CCDC171: variants seen among roughly 807,000 people sequenced by gnomAD.
CCDC171 encodes the protein coiled-coil domain-containing protein 171.
Under a neutral mutation model 168.2 loss-of-function variants are expected in CCDC171, and 177 were observed. The ratio of observed to expected loss-of-function variants is 1.05; its 90% confidence interval spans 0.93 to 1.19. The LOEUF (loss-of-function observed/expected upper bound fraction) is 1.19. Among genes scored for constraint, CCDC171 ranks in the 50% most tolerant of loss-of-function variants. The pLI, the probability that CCDC171 is intolerant of heterozygous loss-of-function variation, is 0.00. For synonymous variants in CCDC171, 687 were observed against 540.8 expected (o/e 1.27, Z -3.75); for missense variants, 1,991 against 1,539.0 (o/e 1.29, Z -4.91).
chr9:16,048,568 G>A (rs1328487637), intron 1 of CCDC171, among the ~76,000 whole-genome samples: 1 of 152,126 alleles, frequency 6.6e-6, no homozygotes, highest in Non-Finnish European at 1.5e-5. Flanking sequence ...ACAGATTTGG[G>A]GGCAAAATTT....
intron 3 of CCDC171, among the ~76,000 whole-genome samples, chr9:15,572,190 T>C (rs543871009): frequency 6.6e-6 from 1 of 152,304 alleles, no homozygotes; most frequent in South Asian, 2.1e-4. Context: ...TTATTTCTTT[T>C]ATTAGTATGT....
upstream of CCDC171, among the ~76,000 whole-genome samples, chr9:16,038,828 CAAAAACAGAAAA>C (rs1211166305): frequency 7.6e-5 from 1 of 13,134 alleles, no homozygotes; most frequent in Non-Finnish European, 1.8e-4. Context: ...AAGAAAAGAA[CAAAAACAGAAAA>C]AAAAATAGAA....
chr9:15,701,003 T>A (rs983288525), intron 11 of CCDC171, among the ~76,000 whole-genome samples: 3 of 152,196 alleles, frequency 2.0e-5, no homozygotes, highest in Non-Finnish European at 1.5e-5. Context: ...TTGAGCATTT[T>A]AAAATATACT....
chr9:15,826,997 A>G (rs1188200534), intron 21 of CCDC171, among the ~76,000 whole-genome samples: 1 of 152,196 alleles, frequency 6.6e-6, no homozygotes, highest in Non-Finnish European at 1.5e-5. Context: ...AATGCTAACT[A>G]GGAGCTCTTT....
chr9:16,034,826 T>C (rs1237706848), intron 6 of CCDC171, among the ~76,000 whole-genome samples: 1 of 152,228 alleles, frequency 6.6e-6, no homozygotes, highest in Non-Finnish European at 1.5e-5. Context: ...CCAGAGTTTT[T>C]ACATGTGGAG....
intron 7 of CCDC171, among the ~76,000 whole-genome samples, chr9:15,649,271 G>T (rs2047306226): frequency 6.6e-6 from 1 of 152,168 alleles, no homozygotes; most frequent in African/African-American, 2.4e-5. Context: ...AGACTTAAAT[G>T]TTAAACCTAA....
chr9:16,028,867 G>A (rs1439164661), intron 6 of CCDC171, among the ~76,000 whole-genome samples: 1 of 152,166 alleles, frequency 6.6e-6, no homozygotes, highest in East Asian at 1.9e-4. Context: ...GTATTGCACT[G>A]CAGTCTAAGG....
At chr9:15,851,934 A>T (rs561634194) in intron 23 of CCDC171, among the ~76,000 whole-genome samples, 1 of 152,020 alleles carries the variant, frequency 6.6e-6, no homozygotes, top group Admixed American at 6.6e-5. Flanking sequence ...ATGGCTGAAT[A>T]ATATGCCATT....
At position 15,714,977 on chromosome 9, in the gene CCDC171, C is replaced by T. The variant is rs115407311; in HGVS notation, c.1319-6792C>T. 5.5e-3 allele frequency among the ~76,000 whole-genome samples: 840 copies of T among 152,234 alleles called. 6 individuals carry two copies. The highest frequency in any genetic ancestry group is 0.02 in the African/African-American group (822 of 41,562). On this transcript the variant is annotated intron_variant, in intron 11 of 25. Transcript: ENST00000380701. The stretch of plus-strand genomic sequence containing the variant: ...CACTACCCATTATGTTAAACATGTC[C>T]ACTTTGTCTCTGGAAGTTAATTGCT...
At chr9:16,060,805 AAATG>A (rs1833922513) in exon 2 of CCDC171, 1 of 152,286 alleles carries the variant, frequency 6.6e-6, no homozygotes. Context: ...AGTGGACCAC[AAATG>A]AATATGAATT....
intron 21 of CCDC171, among the ~76,000 whole-genome samples, chr9:15,819,594 G>T (rs1392371809): frequency 8.6e-6 from 1 of 116,808 alleles, no homozygotes; most frequent in Non-Finnish European, 1.9e-5. Context: ...AGACAAAGAA[G>T]GCCATTACAT....
chr9:15,706,700 C>T (rs116036690), intron 11 of CCDC171, among the ~76,000 whole-genome samples: 36 of 152,240 alleles, frequency 2.4e-4, no homozygotes, highest in African/African-American at 8.7e-4. Context: ...GAAAGAAAGT[C>T]TTCCTTGTGG....
intron 3 of CCDC171, among the ~76,000 whole-genome samples, chr9:16,010,518 C>G (rs569699849): frequency 6.6e-6 from 1 of 152,052 alleles, no homozygotes; most frequent in Non-Finnish European, 1.5e-5. Flanking sequence ...TCAGCCCTCT[C>G]GCTCCCCCTC....
chr9:15,971,590 T>G lies in CCDC171; in HGVS notation c.3754-19T>G. 1.3e-6 allele frequency: 2 copies of G among 1,566,782 alleles called. No homozygotes were observed. The highest frequency in any genetic ancestry group is 1.8e-6 in the Non-Finnish European group (2 of 1,141,358). ...TTTTCAACTCTATGTTTATTATTTTTTTCTTTTGTATGTCACAGATAGGAT... is the reference window on the plus strand; with the variant it reads ...TTTTCAACTCTATGTTTATTATTTTGTTCTTTTGTATGTCACAGATAGGAT... On this transcript the variant is annotated intron_variant, in intron 25 of 25. Transcript: ENST00000380701.
At chr9:15,798,393 A>G (rs2058661046) in intron 21 of CCDC171, among the ~76,000 whole-genome samples, 1 of 151,850 alleles carries the variant, frequency 6.6e-6, no homozygotes, top group South Asian at 2.1e-4. Context: ...ATTTTTTGTA[A>G]TATTTATTTC....
At chr9:16,103,042 G>A in the CCDC171 span, among the ~76,000 whole-genome samples, 1 of 152,194 alleles carries the variant, frequency 6.6e-6, no homozygotes, top group East Asian at 1.9e-4. Flanking sequence ...TTCAAGCTTT[G>A]ACGCCTGCGT....
intron 24 of CCDC171, among the ~76,000 whole-genome samples, chr9:15,902,897 G>A (rs1195958130): frequency 2.0e-5 from 3 of 152,194 alleles, no homozygotes; most frequent in Admixed American, 2.0e-4. Flanking sequence ...CCTGTGCCTG[G>A]CTCAGAGGGT....
chr9:15,607,192 T>C (rs1264496487), intron 6 of CCDC171, among the ~76,000 whole-genome samples: 3 of 152,174 alleles, frequency 2.0e-5, no homozygotes, highest in Admixed American at 6.5e-5. Context: ...ATACCATTAA[T>C]GTAACAAATG....
chr9:15,573,628 T>C (rs1483651712), intron 3 of CCDC171, among the ~76,000 whole-genome samples: 1 of 115,900 alleles, frequency 8.6e-6, no homozygotes, highest in Non-Finnish European at 1.9e-5. Flanking sequence ...TGCTTCTATT[T>C]ACATTGTAAT....
Sources: gnomAD v4.1 joint callset for allele counts (sites outside exome capture counted in the v4.1 genomes callset) on GRCh38, gnomAD v4.1.1 for gene constraint, MANE v1.5 for transcripts, NCBI Gene and HGNC (gene_info 2026-07-23, HGNC 2026-07-21) for gene names.